Variants in MAGI1 observed in about 807,000 individuals in gnomAD.
The protein encoded by MAGI1 is membrane associated guanylate kinase, WW and PDZ domain containing 1, also known as membrane-associated guanylate kinase, WW and PDZ domain-containing protein 1.
A neutral mutation model predicts 139.9 loss-of-function variants in MAGI1; 58 were observed. That is an observed-to-expected ratio of 0.41 (90% confidence interval 0.34 to 0.52). The LOEUF (loss-of-function observed/expected upper bound fraction) is 0.52. Among genes scored for constraint, MAGI1 ranks in the 20% least tolerant of loss-of-function variants. MAGI1 has a pLI of 0.12. For missense variants in MAGI1, 1,874 were observed against 1,901.6 expected (o/e 0.99, Z 0.27); for synonymous variants, 812 against 737.9 (o/e 1.10, Z -1.63).
At chr3:65,441,672 A>G (rs1397455977) in intron 8 of MAGI1, among the ~76,000 whole-genome samples, 1 of 152,172 alleles carries the variant, frequency 6.6e-6, no homozygotes, top group Non-Finnish European at 1.5e-5. Flanking sequence ...TGTGAGAAAG[A>G]TGATCTTTGG....
At chr3:65,902,120 CT>C (rs1323201520) in intron 1 of MAGI1, among the ~76,000 whole-genome samples, 1 of 152,108 alleles carries the variant, frequency 6.6e-6, no homozygotes, top group East Asian at 1.9e-4. Context: ...GAATAAATGT[CT>C]GGATTTGCTT....
In MAGI1 at chr3:65,403,369, T is replaced by C. The variant is rs201125940; in HGVS notation, c.2168-1899A>G. The stretch of plus-strand genomic sequence containing the variant: ...AAAAAGATTATAGGAGAAAATATTT[T>C]ACCTATGGATACAAATAACTGTGTT... On this transcript the variant is annotated intron_variant, in intron 12 of 22. Coordinates refer to ENST00000402939, the MANE Select transcript of MAGI1 (RefSeq NM_001033057.2). 5.9e-5 allele frequency among the ~76,000 whole-genome samples: 9 copies of C among 152,326 alleles called. No individual in the cohort carries two copies. In the East Asian group the frequency reaches 1.7e-3, roughly 29 times the overall value.
At chr3:65,657,156 T>C (rs2085925185) in intron 1 of MAGI1, among the ~76,000 whole-genome samples, 1 of 152,108 alleles carries the variant, frequency 6.6e-6, no homozygotes, top group Non-Finnish European at 1.5e-5. Context: ...AAGTAGGTAC[T>C]ATTCTTATCC....
intron 13 of MAGI1, 71 bp downstream of exon 13, chr3:65,401,368 A>ACCCAGCC: frequency 2.3e-6 from 3 of 1,323,556 alleles, no homozygotes; most frequent in Non-Finnish European, 3.2e-6. Context: ...CACACAGAGT[A>ACCCAGCC]CCCTCCCACC....
Position 65,359,254 on chromosome 3 carries a change from A to G in MAGI1, c.3634+1945T>C, listed in dbSNP as rs887499610. ...AGATTCCCTATAACACAGAGGAAAG[A>G]AAAAAAATCTACATTTGTTAACATA... On this transcript the variant is annotated intron_variant, in intron 22 of 22. Coordinates refer to ENST00000402939, the MANE Select transcript of MAGI1 (RefSeq NM_001033057.2). 10 of 1,546,658 alleles carry G rather than the reference A, an allele frequency of 6.5e-6. No homozygotes were observed. In the Admixed American group the frequency reaches 9.9e-5, roughly 15 times the overall value.
intron 1 of MAGI1, among the ~76,000 whole-genome samples, chr3:65,826,489 T>A (rs576310048): frequency 6.6e-6 from 1 of 152,322 alleles, no homozygotes; most frequent in East Asian, 1.9e-4. Flanking sequence ...CTGGGCTAAT[T>A]AAGTATGGCT....
chr3:65,379,689 A>C, intron 16 of MAGI1, 135 bp from the exon 17 acceptor site: 1 of 1,374,780 alleles, frequency 7.3e-7, no homozygotes, highest in South Asian at 1.4e-5. Flanking sequence ...TGGTTTCACA[A>C]TACCTGGATA....
chr3:65,977,182 T>C (rs774504058), intron 1 of MAGI1, among the ~76,000 whole-genome samples: 17 of 152,166 alleles, frequency 1.1e-4, no homozygotes, highest in Non-Finnish European at 1.6e-4. Flanking sequence ...AAGGAGACCA[T>C]AGGTCATCAT....
intron 1 of MAGI1, among the ~76,000 whole-genome samples, chr3:65,774,836 T>C (rs762097049): frequency 3.3e-5 from 5 of 152,176 alleles, no homozygotes; most frequent in African/African-American, 4.8e-5. Context: ...TAACTCGCCT[T>C]AGGCAATAGG....
rs1057148759 is a variant in MAGI1, at chr3:65,770,434, C to T, written c.314-148346G>A. Among the ~76,000 whole-genome samples the T allele has an allele frequency of 3.0e-4, 46 of 152,136 alleles. 1 individual carries two copies. Among genetic ancestry groups the T allele is most frequent in the Non-Finnish European group, 1.2e-4 (8 of 68,034 alleles). On this transcript the variant is annotated intron_variant, in intron 1 of 22. Coordinates refer to ENST00000402939, the MANE Select transcript of MAGI1 (RefSeq NM_001033057.2). ...TGCCACGTGCAGGAAGAAACTGACA[C>T]GAGGAAACCCACTGGCCAGCTCTTG...
intron 1 of MAGI1, among the ~76,000 whole-genome samples, chr3:65,705,214 T>C (rs543379720): frequency 2.0e-5 from 3 of 152,340 alleles, no homozygotes; most frequent in Non-Finnish European, 4.4e-5. Flanking sequence ...TAAAGTGCTA[T>C]TTTAAGTACT....
intron 2 of MAGI1, among the ~76,000 whole-genome samples, chr3:65,588,821 T>C (rs1207088086): frequency 6.6e-6 from 1 of 152,220 alleles, no homozygotes; most frequent in African/African-American, 2.4e-5. Flanking sequence ...GAACGAATGA[T>C]GAATGATAGT....
chr3:65,391,389 G>A (rs1559517956), intron 13 of MAGI1, 31 bp from the exon 14 acceptor site: 2 of 1,581,692 alleles, frequency 1.3e-6, no homozygotes, highest in Non-Finnish European at 8.7e-7. Flanking sequence ...GGGGCAAGAA[G>A]AAAAGATTAT....
chr3:65,908,375 C>T (rs2061522529), intron 1 of MAGI1, among the ~76,000 whole-genome samples: 1 of 152,026 alleles, frequency 6.6e-6, no homozygotes, highest in East Asian at 1.9e-4. Flanking sequence ...GCAATCTCAG[C>T]TCACTGCAAC....
chr3:66,002,061 T>G (rs2066769678), intron 1 of MAGI1, among the ~76,000 whole-genome samples: 1 of 152,150 alleles, frequency 6.6e-6, no homozygotes, highest in Non-Finnish European at 1.5e-5. Context: ...TGCCTCAATT[T>G]CATAGATTGA....
intron 1 of MAGI1, among the ~76,000 whole-genome samples, chr3:66,025,768 G>C (rs1410542206): frequency 6.6e-6 from 1 of 151,974 alleles, no homozygotes. Flanking sequence ...TATTTCTCTG[G>C]GGTGGGATTA....
Position 66,023,219 on chromosome 3 carries a change from T to A in MAGI1, c.313+14777A>T, listed in dbSNP as rs1459692086. ...TGAATTCCTAGACAGTCTATTGGAA[T>A]GTTCCATTCTGATATGGAAATGGAG... On this transcript the variant is annotated intron_variant, in intron 1 of 22. Coordinates refer to ENST00000402939, the MANE Select transcript of MAGI1 (RefSeq NM_001033057.2). Among the ~76,000 whole-genome samples the A allele has an allele frequency of 1.3e-5, 2 of 152,154 alleles. 1 individual carries two copies. Among genetic ancestry groups the A allele is most frequent in the Middle Eastern group, 6.3e-3 (2 of 316 alleles).
chr3:65,379,646 T>C, intron 16 of MAGI1, 92 bp from the exon 17 acceptor site: 1 of 1,530,614 alleles, frequency 6.5e-7, no homozygotes, highest in Non-Finnish European at 8.8e-7. Context: ...CTGCTAGAAA[T>C]CAAAACGTGA....
intron 1 of MAGI1, among the ~76,000 whole-genome samples, chr3:65,965,152 T>C (rs936915856): frequency 1.2e-4 from 18 of 152,168 alleles, no homozygotes; most frequent in African/African-American, 4.1e-4. Flanking sequence ...ATGCAACTAT[T>C]TGGTAAATGT....
Sources: gnomAD v4.1 joint callset for allele counts (sites outside exome capture counted in the v4.1 genomes callset) on GRCh38, gnomAD v4.1.1 for gene constraint, MANE v1.5 for transcripts, NCBI Gene and HGNC (gene_info 2026-07-23, HGNC 2026-07-21) for gene names.